Variants in UBAP2 observed in about 807,000 individuals in gnomAD.
UBAP2 encodes the protein ubiquitin associated protein 2.
UBAP2 carries 75 observed loss-of-function variants against 139.6 expected under a neutral mutation model. The ratio of observed to expected loss-of-function variants is 0.54; its 90% CI spans 0.45 to 0.65. The LOEUF is 0.65. UBAP2 is among the 30% of genes least tolerant of loss of function. UBAP2 has a pLI of 0.00. For missense variants in UBAP2, 1,368 were observed against 1,369.6 expected, an observed-to-expected ratio of 1.00 and a Z score of 0.02; for synonymous variants, 526 against 526.2, an observed-to-expected ratio of 1.00 and a Z score of 0.01.
intron 4 of UBAP2, among the ~76,000 whole-genome samples, chr9:33,992,273 A>G (rs1821772565): frequency 6.6e-6 from 1 of 151,560 alleles, no homozygotes; most frequent in South Asian, 2.1e-4. Flanking sequence ...CTGTAATCCC[A>G]GCTACTCGGG....
intron 10 of UBAP2, among the ~76,000 whole-genome samples, chr9:33,957,174 T>C (rs1395551032): frequency 6.6e-6 from 1 of 152,206 alleles, no homozygotes; most frequent in Admixed American, 6.5e-5. Flanking sequence ...ATGTCTTTAG[T>C]ACTTAATTGA....
rs570669734 is a variant in UBAP2, at chr9:34,023,141, G to C, written c.-41-5952C>G. Among the ~76,000 whole-genome samples, 43 of 151,166 alleles carry C rather than the reference G, an allele frequency of 2.8e-4. 1 individual carries two copies. Among genetic ancestry groups the C allele is most frequent in the Admixed American group, 2.7e-3 (41 of 15,120 alleles). ...CTCGGGAGGCTGAGGCAGAAGAATC[G>C]CTTGAACCCAGGAGGCAGAGGTTGC... On this transcript the variant is annotated intron_variant, in intron 1 of 28. Transcript: ENST00000379238.
rs1822934319 is a variant in UBAP2, at chr9:33,922,081, AGT to A, written c.*421_*422del. ...CAGGAAAGAAAACAATTTCCAAAGG[AGT>A]GAGACAAGTCGTGATTCTTCATTGG... On this transcript the variant is annotated 3_prime_UTR_variant, in exon 29 of 29. Coordinates refer to ENST00000379238, the MANE Select transcript of UBAP2 (RefSeq NM_001370062.2). 6.0e-6 allele frequency: 1 copy of A among 165,894 alleles called. No individual in the cohort carries two copies. The highest frequency in any genetic ancestry group is 1.3e-5 in the Non-Finnish European group (1 of 77,626). The allele number at this position is 165,894 out of a possible 1,614,324, so 10.3% of individuals were successfully genotyped here.
At chr9:33,979,057 C>G (rs752545511) in intron 6 of UBAP2, among the ~76,000 whole-genome samples, 2 of 151,988 alleles carry the variant, frequency 1.3e-5, no homozygotes, top group African/African-American at 4.8e-5. Context: ...GGGCAACACA[C>G]AGAGACCTGC....
intron 1 of UBAP2, among the ~76,000 whole-genome samples, chr9:34,024,540 A>C (rs1825241692): frequency 6.6e-6 from 1 of 152,180 alleles, no homozygotes; most frequent in African/African-American, 2.4e-5. Context: ...GATGTCCAGC[A>C]AAAAAATTTC....
At chr9:33,944,340 G>A (rs758208102) in intron 14 of UBAP2, 25 bp downstream of exon 14, 53 of 1,605,082 alleles carry the variant, frequency 3.3e-5, no homozygotes, top group East Asian at 4.5e-5. Flanking sequence ...GCTTTAGGAC[G>A]GTGACTTCAT....
intron 2 of UBAP2, among the ~76,000 whole-genome samples, chr9:34,016,312 GAAGAGA>G (rs1204727610): frequency 2.3e-5 from 3 of 128,940 alleles, no homozygotes; most frequent in Non-Finnish European, 5.0e-5. Flanking sequence ...GGAAGAGGAG[GAAGAGA>G]AGGAGGAAGA....
chr9:33,926,934 C>G (rs1823485993), intron 21 of UBAP2, 55 bp downstream of exon 21: 2 of 1,568,398 alleles, frequency 1.3e-6, no homozygotes, highest in South Asian at 1.1e-5. Flanking sequence ...CTGCCAGGTG[C>G]CAGCCCCCGA....
At chr9:34,032,639 T>C (rs749110316) in intron 1 of UBAP2, among the ~76,000 whole-genome samples, 3 of 152,148 alleles carry the variant, frequency 2.0e-5, no homozygotes, top group Non-Finnish European at 4.4e-5. Context: ...TCTTTGTTTC[T>C]TAGGCTGGGT....
intron 7 of UBAP2, among the ~76,000 whole-genome samples, chr9:33,972,649 T>TAA (rs140605759): frequency 1.3e-5 from 2 of 152,078 alleles, no homozygotes; most frequent in Non-Finnish European, 2.9e-5. Flanking sequence ...CAACAAAAAG[T>TAA]AAAAAAACAC....
At chr9:33,944,685 T>C in intron 13 of UBAP2, 46 bp from the exon 14 acceptor site, 1 of 1,589,940 alleles carries the variant, frequency 6.3e-7, no homozygotes, top group African/African-American at 1.3e-5. Flanking sequence ...GGCTTCACAA[T>C]GTTCTTCAAT....
chr9:33,958,289 T>C (rs1564030618), intron 10 of UBAP2, among the ~76,000 whole-genome samples: 1 of 151,948 alleles, frequency 6.6e-6, no homozygotes, highest in Non-Finnish European at 1.5e-5. Context: ...ATATTCCCAG[T>C]GAATCCATTT....
chr9:34,023,392 G>C (rs1261047594), intron 1 of UBAP2, among the ~76,000 whole-genome samples: 1 of 151,986 alleles, frequency 6.6e-6, no homozygotes, highest in East Asian at 1.9e-4. Flanking sequence ...AATCTTTATA[G>C]CCTCACTACT....
chr9:34,009,806 CTT>C (rs201452836), intron 2 of UBAP2, among the ~76,000 whole-genome samples: 46 of 129,748 alleles, frequency 3.5e-4, no homozygotes, highest in African/African-American at 5.6e-4. Context: ...CTTATATTTC[CTT>C]TTTTTTTTTT....
rs1054281297 is a variant in UBAP2 at position 33,933,155 on chromosome 9, C to G, written c.2108+335G>C. Among the ~76,000 whole-genome samples, 9 of 152,160 alleles carry G rather than the reference C, an allele frequency of 5.9e-5. 1 individual carries two copies. Among genetic ancestry groups the G allele is most frequent in the Admixed American group, 3.9e-4 (6 of 15,274 alleles). On this transcript the variant is annotated intron_variant, in intron 18 of 28. Transcript: ENST00000379238. ...GCTCAGAAATCCATCATTCTCATTC[C>G]ACCTCAGTGACATGGGCCCAGCGAT... is the stretch of plus-strand genomic sequence containing the variant.
chr9:33,955,316 C>T (rs1340933875), intron 11 of UBAP2, among the ~76,000 whole-genome samples: 2 of 151,496 alleles, frequency 1.3e-5, no homozygotes, highest in Non-Finnish European at 2.9e-5. Context: ...GTCAGGATTT[C>T]GAGACCAGCC....
chr9:34,005,360 G>C (rs1823106940), intron 2 of UBAP2, among the ~76,000 whole-genome samples: 1 of 149,940 alleles, frequency 6.7e-6, no homozygotes, highest in South Asian at 2.1e-4. Context: ...GCTTGAACCT[G>C]GGAGGCAGAG....
chr9:33,930,473 C>CA (rs1337705110), intron 19 of UBAP2, among the ~76,000 whole-genome samples: 1 of 151,652 alleles, frequency 6.6e-6, no homozygotes, highest in Non-Finnish European at 1.5e-5. Context: ...ACAACAACAA[C>CA]AAAAAACCCT....
At position 33,998,754 on chromosome 9, in the gene UBAP2, T is replaced by C. The variant is rs1355377207; in HGVS notation, c.177+33A>G. On this transcript the variant is annotated intron_variant, in intron 3 of 28. Coordinates refer to ENST00000379238, the MANE Select transcript of UBAP2 (RefSeq NM_001370062.2). ...TTTTAAGCACAATCAAAATAGATTA[T>C]AAAAATGATGATATCCTTTGCCAGA... The C allele has an allele frequency of 3.8e-6, 6 of 1,575,216 alleles. No individual in the cohort carries two copies. In the East Asian group the frequency reaches 9.0e-5, roughly 24 times the overall value.
Sources: gnomAD v4.1 joint callset for allele counts (sites outside exome capture counted in the v4.1 genomes callset) on GRCh38, gnomAD v4.1.1 for gene constraint, MANE v1.5 for transcripts, NCBI Gene and HGNC (gene_info 2026-07-23, HGNC 2026-07-21) for gene names.